Variants in VPS13B observed in about 807,000 individuals in gnomAD.
VPS13B encodes vacuolar protein sorting 13 homolog B.
VPS13B carries 285 observed loss-of-function variants against 426.4 expected under a neutral mutation model. The observed-to-expected ratio is 0.67, with a 90% CI of 0.61 to 0.74. The LOEUF (loss-of-function observed/expected upper bound fraction) is 0.74. Ranked by LOEUF, VPS13B falls within the 30% of genes least tolerant of loss-of-function variation. VPS13B has a pLI of 0.00. For missense variants in VPS13B, 4,537 were observed against 4,782.6 expected, an observed-to-expected ratio of 0.95 and a Z score of 1.51; for synonymous variants, 1,676 against 1,676.4, an observed-to-expected ratio of 1.00 and a Z score of 0.01.
chr8:99,420,190 C>A (rs766517181), intron 21 of VPS13B, among the ~76,000 whole-genome samples: 63 of 152,182 alleles, frequency 4.1e-4, no homozygotes, highest in Non-Finnish European at 7.4e-4. Context: ...TACAGCTGAA[C>A]AAATGTATCT....
At chr8:99,429,895 A>C (rs1326167232) in intron 21 of VPS13B, among the ~76,000 whole-genome samples, 1 of 152,132 alleles carries the variant, frequency 6.6e-6, no homozygotes, top group African/African-American at 2.4e-5. Flanking sequence ...TATGACCTAC[A>C]TGAGCCCTGT....
chr8:99,569,043 C>T (rs1348483109), intron 31 of VPS13B, among the ~76,000 whole-genome samples: 2 of 151,402 alleles, frequency 1.3e-5, no homozygotes, highest in South Asian at 2.1e-4. Flanking sequence ...AGGATGGTCT[C>T]GATCTCCTGA....
At chr8:99,739,870 G>A (rs1018369473) in intron 39 of VPS13B, among the ~76,000 whole-genome samples, 2 of 152,098 alleles carry the variant, frequency 1.3e-5, no homozygotes, top group African/African-American at 4.8e-5. Context: ...CAAAGATGTG[G>A]AAAAAACAGA....
chr8:99,264,946 G>A (rs1205992918), intron 17 of VPS13B, among the ~76,000 whole-genome samples: 2 of 151,530 alleles, frequency 1.3e-5, no homozygotes, highest in Admixed American at 1.3e-4. Flanking sequence ...TTTAATTTAT[G>A]GGAGATTTTC....
chr8:99,482,127 C>T (rs1820069085), intron 25 of VPS13B, among the ~76,000 whole-genome samples: 1 of 152,064 alleles, frequency 6.6e-6, no homozygotes, highest in South Asian at 2.1e-4. Flanking sequence ...TTCCCCTTTC[C>T]CTACCTCTGT....
chr8:99,221,486 T>A (rs912751537), intron 17 of VPS13B, among the ~76,000 whole-genome samples: 12 of 152,196 alleles, frequency 7.9e-5, no homozygotes, highest in African/African-American at 2.9e-4. Flanking sequence ...AAATGTTAAT[T>A]TTTTTAAAAG....
At chr8:99,476,165 G>A (rs1265214817) in intron 24 of VPS13B, among the ~76,000 whole-genome samples, 2 of 152,240 alleles carry the variant, frequency 1.3e-5, no homozygotes, top group African/African-American at 4.8e-5. Context: ...AACATCCCTG[G>A]TGAAATGTAG....
At chr8:99,305,151 AC>A (rs1820570057) in intron 19 of VPS13B, among the ~76,000 whole-genome samples, 1 of 152,112 alleles carries the variant, frequency 6.6e-6, no homozygotes. Flanking sequence ...GCTTCCCAAG[AC>A]AGGTTAGGTG....
At position 99,467,313 on chromosome 8, in the gene VPS13B, A is replaced by G. The variant is rs1008988257; in HGVS notation, c.3446-101A>G. ...CTATATTCACTTTTTATGATGCAGT[A>G]TTAGTCATAAATGTTAAATGTTTTA... On this transcript the variant is annotated intron_variant, in intron 23 of 61. Coordinates refer to ENST00000357162, the MANE Select transcript of VPS13B (RefSeq NM_152564.5). 1.6e-4 allele frequency: 191 copies of G among 1,179,998 alleles called. No individual in the cohort carries two copies. In the African/African-American group the frequency reaches 2.4e-3, roughly 15 times the overall value. 73.1% of individuals were successfully genotyped at this position (1,179,998 alleles called of 1,614,324 possible).
intron 21 of VPS13B, among the ~76,000 whole-genome samples, chr8:99,420,866 G>A (rs553903547): frequency 6.6e-6 from 1 of 152,272 alleles, no homozygotes; most frequent in South Asian, 2.1e-4. Context: ...AAAACAATGA[G>A]TTGATTTTGA....
intron 21 of VPS13B, among the ~76,000 whole-genome samples, chr8:99,403,295 T>C (rs1815142927): frequency 6.6e-6 from 1 of 152,106 alleles, no homozygotes; most frequent in African/African-American, 2.4e-5. Flanking sequence ...GAAAATGTAA[T>C]TGAAGCACTT....
At chr8:99,295,429 A>G (rs970979167) in intron 19 of VPS13B, among the ~76,000 whole-genome samples, 4 of 152,228 alleles carry the variant, frequency 2.6e-5, no homozygotes, top group Non-Finnish European at 4.4e-5. Context: ...TACAGAACAT[A>G]TATGTATGTA....
intron 31 of VPS13B, among the ~76,000 whole-genome samples, chr8:99,573,979 G>A (rs555912923): frequency 6.6e-6 from 1 of 152,208 alleles, no homozygotes; most frequent in African/African-American, 2.4e-5. Context: ...CTTTCGTTGA[G>A]CAGTGGTTTG....
intron 19 of VPS13B, among the ~76,000 whole-genome samples, chr8:99,353,749 C>T (rs1812029004): frequency 6.6e-6 from 1 of 152,004 alleles, no homozygotes; most frequent in Admixed American, 6.6e-5. Flanking sequence ...TTCTGTTTTC[C>T]CCCCAAAGTG....
intron 19 of VPS13B, among the ~76,000 whole-genome samples, chr8:99,320,663 CTG>C (rs1809926562): frequency 6.6e-6 from 1 of 152,198 alleles, no homozygotes; most frequent in Admixed American, 6.5e-5. Context: ...AGCATTTAAT[CTG>C]TAAATGCTGC....
chr8:99,401,335 T>C lies in VPS13B; in HGVS notation c.3082+9631T>C, dbSNP rs1815026636. On this transcript the variant is annotated intron_variant, in intron 21 of 61. Coordinates refer to ENST00000357162, the MANE Select transcript of VPS13B (RefSeq NM_152564.5). ...GTTTTACAGGAATATTTTTAAAGTG[T>C]GTATACAGGTTATGAGTATTAATTT... Among the ~76,000 whole-genome samples, 3 of 152,216 alleles carry C rather than the reference T, an allele frequency of 2.0e-5. No individual in the cohort carries two copies. The South Asian group carries it at 6.2e-4, about 32-fold the overall frequency.
At chr8:99,704,650 A>T (rs926420795) in intron 36 of VPS13B, among the ~76,000 whole-genome samples, 1 of 152,160 alleles carries the variant, frequency 6.6e-6, no homozygotes, top group East Asian at 1.9e-4. Flanking sequence ...TTAAGCAGCC[A>T]CTGAGGATTG....
intron 39 of VPS13B, among the ~76,000 whole-genome samples, chr8:99,721,571 G>A (rs1833136715): frequency 6.6e-6 from 1 of 152,132 alleles, no homozygotes; most frequent in African/African-American, 2.4e-5. Context: ...GTTATTCCGA[G>A]TTTAATATAA....
chr8:99,767,009 G>T (rs759060699), intron 40 of VPS13B, 39 bp downstream of exon 40: 3 of 1,596,640 alleles, frequency 1.9e-6, no homozygotes, highest in East Asian at 2.2e-5. Flanking sequence ...ATTACACTGG[G>T]AAACAATGAT....
Sources: allele counts gnomAD v4.1 joint callset (sites outside exome capture counted in the v4.1 genomes callset), GRCh38; gene constraint gnomAD v4.1.1; transcripts MANE v1.5; gene names NCBI Gene and HGNC (gene_info 2026-07-23, HGNC 2026-07-21).